Variants in TMTC2 observed in about 807,000 individuals in gnomAD.
The protein encoded by TMTC2 is protein O-mannosyl-transferase TMTC2.
A neutral mutation model predicts 82.4 loss-of-function variants in TMTC2; 43 were observed. The ratio of observed to expected loss-of-function variants is 0.52; its 90% CI spans 0.41 to 0.67. The LOEUF is 0.67. TMTC2 is among the 30% of genes least tolerant of loss of function. TMTC2 has a pLI of 0.00. For missense variants in TMTC2, 919 were observed against 1,012.4 expected (o/e 0.91, Z 1.25); for synonymous variants, 408 against 381.9 (o/e 1.07, Z -0.80).
At chr12:83,023,004 G>A (rs566401939) in intron 8 of TMTC2, among the ~76,000 whole-genome samples, 67 of 152,270 alleles carry the variant, frequency 4.4e-4, no homozygotes, top group Non-Finnish European at 7.5e-4. Flanking sequence ...AAAATGAATA[G>A]CAACTTCTTT....
At chr12:82,701,189 A>G (rs563578199) in intron 1 of TMTC2, among the ~76,000 whole-genome samples, 17 of 152,332 alleles carry the variant, frequency 1.1e-4, no homozygotes, top group African/African-American at 3.8e-4. Flanking sequence ...TCTATTCTAC[A>G]GTATATATCT....
chr12:83,005,696 G>A (rs1203122221), intron 8 of TMTC2, among the ~76,000 whole-genome samples: 1 of 152,228 alleles, frequency 6.6e-6, no homozygotes, highest in African/African-American at 2.4e-5. Context: ...GCTTGGTGGA[G>A]GCAGGGGGTT....
intron 1 of TMTC2, among the ~76,000 whole-genome samples, chr12:82,801,223 G>A (rs1878979146): frequency 6.6e-6 from 1 of 152,080 alleles, no homozygotes; most frequent in African/African-American, 2.4e-5. Flanking sequence ...CCCTTGCGGT[G>A]AGTGTTACAG....
intron 1 of TMTC2, among the ~76,000 whole-genome samples, chr12:82,780,379 T>C (rs12321494): frequency 0.08 from 12,230 of 152,166 alleles, 621 homozygotes; most frequent in Middle Eastern, 0.17. Context: ...TAGATAACTT[T>C]CTGATAACTT....
At chr12:83,055,095 A>G (rs937336233) in intron 10 of TMTC2, among the ~76,000 whole-genome samples, 32 of 151,914 alleles carry the variant, frequency 2.1e-4, no homozygotes, top group African/African-American at 7.7e-4. Context: ...ACCATCACCC[A>G]CAAGGAACCC....
intron 11 of TMTC2, among the ~76,000 whole-genome samples, chr12:83,092,316 C>G (rs796308682): frequency 5.3e-5 from 8 of 152,290 alleles, no homozygotes; most frequent in African/African-American, 1.9e-4. Context: ...CATCCTGCCC[C>G]CCTTAGAGCA....
intron 2 of TMTC2, among the ~76,000 whole-genome samples, chr12:82,868,516 CTT>C (rs925773853): frequency 2.0e-5 from 3 of 152,158 alleles, no homozygotes; most frequent in Admixed American, 6.5e-5. Context: ...TCAGAGCCTG[CTT>C]TCTTTTCCCC....
At chr12:82,789,353 G>GAGGA (rs1204215736) in intron 1 of TMTC2, among the ~76,000 whole-genome samples, 2 of 152,044 alleles carry the variant, frequency 1.3e-5, no homozygotes. Context: ...AATAAAGAGG[G>GAGGA]AGGAACAAAT....
chr12:82,974,819 T>C (rs1177911033), intron 7 of TMTC2, among the ~76,000 whole-genome samples: 1 of 152,166 alleles, frequency 6.6e-6, no homozygotes, highest in Admixed American at 6.5e-5. Flanking sequence ...ATCCACTGAG[T>C]GGCGAACCCC....
At chr12:82,740,817 T>G (rs1213829346) in intron 1 of TMTC2, among the ~76,000 whole-genome samples, 1 of 152,138 alleles carries the variant, frequency 6.6e-6, no homozygotes, top group Non-Finnish European at 1.5e-5. Context: ...CCTACCTTTC[T>G]TTGACCTGCT....
chr12:83,132,173 G>C, intron 11 of TMTC2, 37 bp from the exon 12 acceptor site: 1 of 1,549,822 alleles, frequency 6.5e-7, no homozygotes, highest in Non-Finnish European at 8.7e-7. Context: ...AGCTTGAAAT[G>C]GCCTCCTAAT....
At chr12:82,711,530 A>G (rs1873619175) in intron 1 of TMTC2, among the ~76,000 whole-genome samples, 1 of 152,300 alleles carries the variant, frequency 6.6e-6, no homozygotes, top group South Asian at 2.1e-4. Context: ...CTGAGGAGAA[A>G]ATATTAGAAA....
intron 11 of TMTC2, among the ~76,000 whole-genome samples, chr12:83,109,505 G>T (rs1462533651): frequency 1.3e-5 from 2 of 152,174 alleles, no homozygotes; most frequent in African/African-American, 2.4e-5. Context: ...TCTCAAGAAA[G>T]CTCTCTTACC....
Position 82,951,673 on chromosome 12 carries a change from T to C in TMTC2, c.1599-13351T>C, listed in dbSNP as rs1390755131. ...ATCTTTTAATTTTGCTCACAGTACA[T>C]ATGATATGCAAAAATCACATAGAAT... On this transcript the variant is annotated intron_variant, in intron 4 of 11. Coordinates refer to ENST00000321196, the MANE Select transcript of TMTC2 (RefSeq NM_152588.3). 2.0e-5 allele frequency among the ~76,000 whole-genome samples: 3 copies of C among 152,164 alleles called. No homozygotes were observed. The East Asian group carries it at 5.8e-4, about 29-fold the overall frequency.
At chr12:83,032,148 TAGG>T (rs1045075757) in intron 9 of TMTC2, among the ~76,000 whole-genome samples, 2 of 151,494 alleles carry the variant, frequency 1.3e-5, no homozygotes, top group Admixed American at 1.3e-4. Flanking sequence ...TGTTATAAAA[TAGG>T]AGGTTTTTTT....
At chr12:82,818,115 T>C (rs947763122) in intron 1 of TMTC2, among the ~76,000 whole-genome samples, 4 of 152,146 alleles carry the variant, frequency 2.6e-5, no homozygotes, top group African/African-American at 9.6e-5. Context: ...AATAATTTTG[T>C]ATTTTTGGAC....
At chr12:82,746,890 T>G (rs1351919512) in intron 1 of TMTC2, among the ~76,000 whole-genome samples, 1 of 152,208 alleles carries the variant, frequency 6.6e-6, no homozygotes, top group Non-Finnish European at 1.5e-5. Context: ...GGCTCCTGGA[T>G]GGCAGCCAGT....
chr12:82,992,788 C>A (rs1017665703), intron 8 of TMTC2, among the ~76,000 whole-genome samples: 1 of 152,148 alleles, frequency 6.6e-6, no homozygotes, highest in African/African-American at 2.4e-5. Context: ...TCTCCAAAAT[C>A]TCTCAGGCTT....
chr12:82,990,529 G>T (rs1939687754), intron 8 of TMTC2, among the ~76,000 whole-genome samples: 1 of 151,984 alleles, frequency 6.6e-6, no homozygotes, highest in Non-Finnish European at 1.5e-5. Flanking sequence ...CTTCCGTGAA[G>T]TCTTGCCTGA....
Sources: gnomAD v4.1 joint callset for allele counts (sites outside exome capture counted in the v4.1 genomes callset) on GRCh38, gnomAD v4.1.1 for gene constraint, MANE v1.5 for transcripts, NCBI Gene and HGNC (gene_info 2026-07-23, HGNC 2026-07-21) for gene names.